Variants in SHC3 observed in about 807,000 individuals in gnomAD.
The protein encoded by SHC3 is SHC adaptor protein 3, also known as SHC-transforming protein 3.
In SHC3, 15 loss-of-function variants were observed where a neutral mutation model predicts 60.4. The ratio of observed to expected loss-of-function variants is 0.25; its 90% CI spans 0.17 to 0.38. The LOEUF (loss-of-function observed/expected upper bound fraction) is 0.38, where lower values mean the gene tolerates loss of function less well. Among genes scored for constraint, SHC3 ranks in the 10% least tolerant of loss-of-function variants. The pLI is 1.00. For missense variants in SHC3, 677 were observed against 786.1 expected (o/e 0.86, Z 1.66); for synonymous variants, 294 against 325.9 (o/e 0.90, Z 1.05).
chr9:89,067,182 A>G (rs1304755864), intron 5 of SHC3, among the ~76,000 whole-genome samples: 1 of 152,224 alleles, frequency 6.6e-6, no homozygotes, highest in Non-Finnish European at 1.5e-5. Context: ...GGATCCAGTC[A>G]GAATCTGAAG....
chr9:89,068,046 C>T (rs1168077392), intron 5 of SHC3, among the ~76,000 whole-genome samples: 1 of 152,136 alleles, frequency 6.6e-6, no homozygotes, highest in African/African-American at 2.4e-5. Flanking sequence ...TGGTCAATGG[C>T]CAAGCTTTTC....
Position 89,013,803 on chromosome 9 carries a change from C to T in SHC3, c.1657-228G>A, listed in dbSNP as rs576912577. 3.9e-5 allele frequency among the ~76,000 whole-genome samples: 6 copies of T among 152,252 alleles called. No individual in the cohort carries two copies. In the South Asian group the frequency reaches 1.2e-3, roughly 32 times the overall value. ...TGAAGACCTTTCAGTAACCATAAGC[C>T]CAGGCCCCTAGGACTCAGTTCTGGA... On this transcript the variant is annotated intron_variant, in intron 11 of 11. Coordinates refer to ENST00000375835, the MANE Select transcript of SHC3 (RefSeq NM_016848.6).
chr9:89,089,611 A>G (rs1316771295), intron 2 of SHC3, among the ~76,000 whole-genome samples: 6 of 152,224 alleles, frequency 3.9e-5, no homozygotes, highest in African/African-American at 1.4e-4. Flanking sequence ...GGGAAAAGTA[A>G]ACCAAAATTA....
intron 2 of SHC3, among the ~76,000 whole-genome samples, chr9:89,090,670 G>A (rs980799422): frequency 2.0e-5 from 3 of 152,188 alleles, no homozygotes; most frequent in Non-Finnish European, 2.9e-5. Flanking sequence ...TGCGGATTGG[G>A]GGTGCACCAG....
At chr9:89,063,282 A>G (rs1825122232) in intron 6 of SHC3, among the ~76,000 whole-genome samples, 1 of 152,194 alleles carries the variant, frequency 6.6e-6, no homozygotes, top group African/African-American at 2.4e-5. Context: ...GGTGTGCACC[A>G]CCACGCCCAG....
chr9:89,115,140 C>T (rs1012136534), intron 1 of SHC3, among the ~76,000 whole-genome samples: 3 of 152,160 alleles, frequency 2.0e-5, no homozygotes, highest in Admixed American at 2.0e-4. Context: ...ACAGCATATA[C>T]GAATAACATG....
intron 6 of SHC3, among the ~76,000 whole-genome samples, chr9:89,054,151 G>A (rs1379115238): frequency 6.6e-6 from 1 of 152,192 alleles, no homozygotes; most frequent in Non-Finnish European, 1.5e-5. Context: ...CTACACACCT[G>A]AGAGCATGAA....
At chr9:89,038,419 C>A (rs1173519930) in intron 10 of SHC3, 131 bp from the exon 11 acceptor site, 3 of 952,610 alleles carry the variant, frequency 3.1e-6, no homozygotes, top group Non-Finnish European at 4.5e-6. Context: ...AAACAAAAAC[C>A]AATGGAGACA....
At chr9:89,159,705 G>A (rs1416897820) in intron 1 of SHC3, among the ~76,000 whole-genome samples, 1 of 152,176 alleles carries the variant, frequency 6.6e-6, no homozygotes, top group Admixed American at 6.5e-5. Context: ...ACTTGGAGTC[G>A]GATATTCGTG....
intron 11 of SHC3, among the ~76,000 whole-genome samples, chr9:89,031,078 G>A (rs1421634148): frequency 4.6e-5 from 7 of 152,010 alleles, no homozygotes; most frequent in Admixed American, 3.9e-4. Flanking sequence ...TAGAGATGGG[G>A]TCTCACTATA....
At chr9:89,045,158 C>T (rs1824751275) in intron 9 of SHC3, among the ~76,000 whole-genome samples, 1 of 152,096 alleles carries the variant, frequency 6.6e-6, no homozygotes, top group Non-Finnish European at 1.5e-5. Flanking sequence ...GAAGCTCTCC[C>T]AGCATGGAGG....
At chr9:89,175,687 C>A (rs1039488736) in intron 1 of SHC3, among the ~76,000 whole-genome samples, 2 of 152,062 alleles carry the variant, frequency 1.3e-5, no homozygotes, top group African/African-American at 4.8e-5. Flanking sequence ...AATAATGCAT[C>A]CTTTCCCAAA....
At chr9:89,136,152 G>T (rs916230892) in intron 1 of SHC3, among the ~76,000 whole-genome samples, 2 of 152,118 alleles carry the variant, frequency 1.3e-5, no homozygotes, top group Non-Finnish European at 2.9e-5. Context: ...TCAGCCTGAA[G>T]AAATTACAAA....
chr9:89,143,698 G>A (rs1826428589), intron 1 of SHC3, among the ~76,000 whole-genome samples: 1 of 152,142 alleles, frequency 6.6e-6, no homozygotes, highest in Non-Finnish European at 1.5e-5. Flanking sequence ...GAACTGGTTG[G>A]TCAGAGATGG....
At position 89,072,286 on chromosome 9, in the gene SHC3, C is replaced by A. The variant is rs536560935; in HGVS notation, c.730-1034G>T. ...CTGCTTATGACAGGGAGGCCCACCC[C>A]GAGGCCAGGGTCTTAACAACCATGC... On this transcript the variant is annotated intron_variant, in intron 4 of 11. Coordinates refer to ENST00000375835, the MANE Select transcript of SHC3 (RefSeq NM_016848.6). Among the ~76,000 whole-genome samples the A allele has an allele frequency of 9.1e-4, 139 of 152,262 alleles. 1 individual carries two copies. The highest frequency in any genetic ancestry group is 3.4e-3 in the Middle Eastern group (1 of 294).
rs1320865300 is a variant in SHC3, at chr9:89,077,906, T to C, written c.546-3A>G. ...CACAGACGCGGCTGATGGCTTCCCT[T>C]AGGACAGGAAGAAAAAGCAATTTTA... is the stretch of plus-strand genomic sequence containing the variant. On this transcript the variant is annotated splice_region_variant and splice_polypyrimidine_tract_variant and intron_variant, in intron 2 of 11. Coordinates refer to ENST00000375835, the MANE Select transcript of SHC3 (RefSeq NM_016848.6). 1.2e-6 allele frequency: 2 copies of C among 1,614,152 alleles called. No homozygotes were observed. Among genetic ancestry groups the C allele is most frequent in the Non-Finnish European group, 8.5e-7 (1 of 1,180,018 alleles).
intron 2 of SHC3, among the ~76,000 whole-genome samples, chr9:89,104,621 T>C (rs1015919527): frequency 6.6e-6 from 1 of 152,178 alleles, no homozygotes. Context: ...AGGTGAGAAG[T>C]GCTTTCCCAC....
intron 6 of SHC3, among the ~76,000 whole-genome samples, chr9:89,060,875 GA>G: frequency 6.6e-6 from 1 of 152,100 alleles, no homozygotes; most frequent in Non-Finnish European, 1.5e-5. Context: ...GCAGGTGAAG[GA>G]AAGAAGGCAG....
intron 2 of SHC3, among the ~76,000 whole-genome samples, chr9:89,099,036 C>G (rs1176910507): frequency 6.6e-6 from 1 of 151,940 alleles, no homozygotes; most frequent in African/African-American, 2.4e-5. Context: ...TTGTCATATT[C>G]TTATATCTTT....
Sources: allele counts gnomAD v4.1 joint callset (sites outside exome capture counted in the v4.1 genomes callset), GRCh38; gene constraint gnomAD v4.1.1; transcripts MANE v1.5; gene names NCBI Gene and HGNC (gene_info 2026-07-23, HGNC 2026-07-21).